Variants in MRE11 observed in about 807,000 individuals in gnomAD.
MRE11 encodes MRE11 double strand break repair nuclease, also known as double-strand break repair protein MRE11.
MRE11 carries 62 observed loss-of-function variants against 91.7 expected under a neutral mutation model. The ratio of observed to expected loss-of-function variants is 0.68; its 90% CI spans 0.55 to 0.84. The LOEUF (loss-of-function observed/expected upper bound fraction) is 0.84, where lower values mean the gene tolerates loss of function less well. MRE11 is among the 40% of genes least tolerant of loss of function. The probability of loss-of-function intolerance (pLI) is 0.00; values close to 1 mark genes in which losing one functional copy is unlikely to be tolerated. For synonymous variants in MRE11, 273 were observed against 271.4 expected, an observed-to-expected ratio of 1.01 and a Z score of -0.06; for missense variants, 796 against 852.9, an observed-to-expected ratio of 0.93 and a Z score of 0.83.
upstream of MRE11, chr11:94,498,009 TTTTG>T: frequency 7.8e-7 from 1 of 1,285,346 alleles, no homozygotes; most frequent in Non-Finnish European, 1.1e-6. Flanking sequence ...CACAAGACAA[TTTTG>T]TTTTAGTTAT....
At chr11:94,476,219 T>C (rs1946850088) in intron 7 of MRE11, 70 bp downstream of exon 7, 2 of 950,532 alleles carry the variant, frequency 2.1e-6, no homozygotes, top group African/African-American at 1.6e-5. Flanking sequence ...TTCACTAAAA[T>C]AGGTAAGCTC....
chr11:94,464,141 G>GA lies in MRE11; in HGVS notation c.1196dup (p.Arg400GlnfsTer3). 2 of 1,613,668 alleles carry GA rather than the reference G, an allele frequency of 1.2e-6. No homozygotes were observed. Among genetic ancestry groups the GA allele is most frequent in the Non-Finnish European group, 1.7e-6 (2 of 1,179,834 alleles). On this transcript the variant is annotated frameshift_variant, in exon 11 of 20. Transcript: ENST00000323929. LOFTEE classifies it high-confidence loss of function. ...TTTTTTCCTTTTGTTCTCTATGCCT[G>GA]AAAAAATGGATAATGTCTTTTGGAT... is the stretch of plus-strand genomic sequence containing the variant.
At chr11:94,460,799 A>T in intron 12 of MRE11, 137 bp downstream of exon 12, 1 of 747,392 alleles carries the variant, frequency 1.3e-6, no homozygotes, top group Non-Finnish European at 2.3e-6. Context: ...AATGAATGTA[A>T]TTAATTGTCA....
In MRE11 at chr11:94,470,464, G is replaced by T. The variant is rs1433382537; in HGVS notation, c.1017+7C>A. 1.2e-6 allele frequency: 2 copies of T among 1,611,742 alleles called. No homozygotes were observed. The highest frequency in any genetic ancestry group is 8.5e-7 in the Non-Finnish European group (1 of 1,178,502). On this transcript the variant is annotated splice_region_variant and intron_variant, in intron 9 of 19. Coordinates refer to ENST00000323929, the MANE Select transcript of MRE11 (RefSeq NM_005591.4). ...TAGATCTCATTGACTTTATCAAAAAGAATTACCTTCTCCAAACAGAAGCTT... is the reference window on the plus strand; with the variant it reads ...TAGATCTCATTGACTTTATCAAAAATAATTACCTTCTCCAAACAGAAGCTT...
chr11:94,486,954 G>C (rs544229754), intron 3 of MRE11, among the ~76,000 whole-genome samples: 10 of 152,188 alleles, frequency 6.6e-5, no homozygotes, highest in Non-Finnish European at 1.5e-4. Flanking sequence ...ACAAGGTATA[G>C]ATCACTGTGC....
intron 13 of MRE11, 71 bp downstream of exon 13, chr11:94,459,336 GA>G (rs1946351250): frequency 6.6e-7 from 1 of 1,517,432 alleles, no homozygotes; most frequent in Non-Finnish European, 9.1e-7. Flanking sequence ...TGATTTACCA[GA>G]AAAAAATCTC....
chr11:94,481,634 C>G (rs1252245466), intron 4 of MRE11, among the ~76,000 whole-genome samples: 1 of 152,196 alleles, frequency 6.6e-6, no homozygotes, highest in East Asian at 1.9e-4. Flanking sequence ...TTTCTCCTAG[C>G]AGTTTTACTG....
rs78672128 is a variant in MRE11, at chr11:94,488,450, T to C, written c.154-2366A>G. Among the ~76,000 whole-genome samples the C allele has an allele frequency of 6.5e-3, 987 of 152,292 alleles. 15 individuals are homozygous for C. The highest frequency in any genetic ancestry group is 0.023 in the African/African-American group (941 of 41,560). Reference sequence around the variant, plus strand: ...CCATTTGACCCAGCAATTCCATTACTTGGTATATACCCAAAGGAATATAAA... The same window carrying C: ...CCATTTGACCCAGCAATTCCATTACCTGGTATATACCCAAAGGAATATAAA... On this transcript the variant is annotated intron_variant, in intron 3 of 19. Transcript: ENST00000323929.
chr11:94,481,309 GA>G (rs904214899), intron 4 of MRE11, among the ~76,000 whole-genome samples: 19 of 145,892 alleles, frequency 1.3e-4, no homozygotes, highest in Admixed American at 8.9e-4. Context: ...ACTCTGTCTC[GA>G]AAAAAAAAAA....
chr11:94,463,848 T>A (rs1859711153), intron 11 of MRE11, among the ~76,000 whole-genome samples: 1 of 151,992 alleles, frequency 6.6e-6, no homozygotes. Context: ...AGTTAATGGG[T>A]GCAGCACACC....
At chr11:94,472,848 A>G (rs780035919) in intron 7 of MRE11, 18 of 152,278 alleles carry the variant, frequency 1.2e-4, no homozygotes, top group Non-Finnish European at 2.5e-4. Context: ...TCTGGTCCCA[A>G]GCATTTCAGA....
chr11:94,474,839 T>C (rs887222957), intron 7 of MRE11, among the ~76,000 whole-genome samples: 2 of 152,130 alleles, frequency 1.3e-5, no homozygotes, highest in African/African-American at 4.8e-5. Context: ...GAATTACTTA[T>C]GAGTTTTCCT....
intron 19 of MRE11, among the ~76,000 whole-genome samples, chr11:94,424,330 T>C (rs1200188529): frequency 6.6e-6 from 1 of 152,128 alleles, no homozygotes; most frequent in Non-Finnish European, 1.5e-5. Flanking sequence ...TGTGGCCCTC[T>C]GAAAGCACCC....
At chr11:94,447,480 C>A (rs371425302) in intron 14 of MRE11, 42 bp from the exon 15 acceptor site, 1 of 1,563,882 alleles carries the variant, frequency 6.4e-7, no homozygotes, top group African/African-American at 1.4e-5. Flanking sequence ...AATGAGATAA[C>A]GTACCATCCT....
chr11:94,470,418 T>C, intron 9 of MRE11, 53 bp downstream of exon 9: 1 of 1,539,754 alleles, frequency 6.5e-7, no homozygotes, highest in Non-Finnish European at 9.0e-7. Flanking sequence ...TAATTGAAGG[T>C]GAATAATTCT....
At chr11:94,430,767 C>T (rs1565202880) in intron 18 of MRE11, among the ~76,000 whole-genome samples, 1 of 152,132 alleles carries the variant, frequency 6.6e-6, no homozygotes, top group African/African-American at 2.4e-5. Flanking sequence ...CACGCCCAGC[C>T]GATTCCTACT....
intron 9 of MRE11, among the ~76,000 whole-genome samples, chr11:94,468,873 A>T (rs1946637822): frequency 6.6e-6 from 1 of 152,180 alleles, no homozygotes; most frequent in South Asian, 2.1e-4. Context: ...CAGACAGCAC[A>T]GAGAAAATCT....
chr11:94,427,843 G>C (rs559087771), intron 19 of MRE11, among the ~76,000 whole-genome samples: 1 of 152,232 alleles, frequency 6.6e-6, no homozygotes, highest in South Asian at 2.1e-4. Context: ...CCAAGGAGGT[G>C]AAAGATCTCT....
intron 9 of MRE11, among the ~76,000 whole-genome samples, 160 bp downstream of exon 9, chr11:94,470,311 G>A (rs1178736628): frequency 6.6e-6 from 1 of 151,486 alleles, no homozygotes; most frequent in Admixed American, 6.6e-5. Flanking sequence ...AAAAAATCTT[G>A]GACACAATTA....
Sources: allele counts gnomAD v4.1 joint callset (sites outside exome capture counted in the v4.1 genomes callset), GRCh38; gene constraint gnomAD v4.1.1; transcripts MANE v1.5; gene names NCBI Gene and HGNC (gene_info 2026-07-23, HGNC 2026-07-21).